ROBO2: variants seen among roughly 807,000 people sequenced by gnomAD.
The protein encoded by ROBO2 is roundabout homolog 2.
Under a neutral mutation model 160.8 loss-of-function variants are expected in ROBO2, and 53 were observed. That is an observed-to-expected ratio of 0.33 (90% CI 0.26 to 0.41). ROBO2 has a LOEUF of 0.41. Among genes scored for constraint, ROBO2 ranks in the 10% least tolerant of loss-of-function variants. The probability of loss-of-function intolerance (pLI) is 1.00; values close to 1 mark genes in which losing one functional copy is unlikely to be tolerated. For missense variants in ROBO2, 1,577 were observed against 1,722.4 expected, an observed-to-expected ratio of 0.92 and a Z score of 1.49; for synonymous variants, 664 against 611.7, an observed-to-expected ratio of 1.09 and a Z score of -1.26.
chr3:76,186,020 A>G (rs1014894332), intron 2 of ROBO2, among the ~76,000 whole-genome samples: 3 of 151,364 alleles, frequency 2.0e-5, no homozygotes, highest in Non-Finnish European at 4.4e-5. Context: ...TGCAGCATCA[A>G]GCTCCTGCAA....
At chr3:77,040,506 C>T in exon 1 of ROBO2, 1 of 1,327,856 alleles carries the variant, frequency 7.5e-7, no homozygotes, top group Non-Finnish European at 9.7e-7. Flanking sequence ...TCGAATAATC[C>T]CTCTGGCTGG....
intron 1 of ROBO2, among the ~76,000 whole-genome samples, chr3:75,925,316 G>A (rs1947247988): frequency 6.6e-6 from 1 of 152,024 alleles, no homozygotes; most frequent in Non-Finnish European, 1.5e-5. Flanking sequence ...TCTGAGCCCG[G>A]GAGGTGGAGG....
exon 26 of ROBO2, chr3:77,649,051 G>T (rs981263158): frequency 1.3e-5 from 2 of 152,084 alleles, no homozygotes; most frequent in Admixed American, 6.6e-5. Context: ...AGGTGGAGTC[G>T]CCCTACCCCT....
intron 2 of ROBO2, among the ~76,000 whole-genome samples, chr3:76,675,428 G>T (rs264535): frequency 0.12 from 16,145 of 132,112 alleles, 1,116 homozygotes; most frequent in African/African-American, 0.21. Flanking sequence ...TCTCCCCAGG[G>T]GGGAAAAAGA....
At chr3:76,405,425 TG>T (rs1230259402) in intron 2 of ROBO2, among the ~76,000 whole-genome samples, 2 of 151,628 alleles carry the variant, frequency 1.3e-5, no homozygotes, top group Non-Finnish European at 3.0e-5. Flanking sequence ...GAGGCTGAAA[TG>T]TAGTTTAGTT....
chr3:76,569,421 C>T (rs952549761), intron 2 of ROBO2, among the ~76,000 whole-genome samples: 1 of 152,064 alleles, frequency 6.6e-6, no homozygotes, highest in African/African-American at 2.4e-5. Context: ...CAAGGCTTGT[C>T]GCTGACTTAG....
chr3:77,270,022 T>A (rs1040415508), intron 2 of ROBO2, among the ~76,000 whole-genome samples: 4 of 152,216 alleles, frequency 2.6e-5, no homozygotes, highest in Non-Finnish European at 5.9e-5. Context: ...ATGTGTCAAC[T>A]AAAGTTGGTA....
intron 2 of ROBO2, among the ~76,000 whole-genome samples, chr3:76,781,146 ATTC>A (rs1436890500): frequency 5.4e-4 from 82 of 150,892 alleles, no homozygotes; most frequent in Admixed American, 2.3e-3. Flanking sequence ...GGTTAAATGA[ATTC>A]ATAAGTATTT....
At chr3:76,279,963 T>C (rs1405562425) in intron 2 of ROBO2, among the ~76,000 whole-genome samples, 1 of 151,976 alleles carries the variant, frequency 6.6e-6, no homozygotes, top group African/African-American at 2.4e-5. Context: ...TCATTCTTGC[T>C]ACTGCTTTCG....
intron 2 of ROBO2, among the ~76,000 whole-genome samples, chr3:76,847,674 G>T (rs530041770): frequency 6.6e-6 from 1 of 152,182 alleles, no homozygotes; most frequent in South Asian, 2.1e-4. Flanking sequence ...ACTCGGCATT[G>T]CTGAAAGGTG....
chr3:76,152,885 A>G (rs1238370672), intron 2 of ROBO2, among the ~76,000 whole-genome samples: 2 of 152,134 alleles, frequency 1.3e-5, no homozygotes, highest in Non-Finnish European at 2.9e-5. Context: ...AGACTCCAAA[A>G]TCGATGTCAA....
chr3:76,471,779 G>C (rs1255109824), intron 2 of ROBO2, among the ~76,000 whole-genome samples: 3 of 152,062 alleles, frequency 2.0e-5, no homozygotes, highest in Non-Finnish European at 4.4e-5. Flanking sequence ...GGCTGGGAAG[G>C]CCTCAGGAAA....
intron 2 of ROBO2, among the ~76,000 whole-genome samples, chr3:77,294,796 A>C (rs1335605967): frequency 2.0e-5 from 3 of 150,950 alleles, no homozygotes. Context: ...TAAACGGGTA[A>C]GCTGAGGCTA....
At chr3:77,519,807 T>C (rs2090404494) in intron 5 of ROBO2, among the ~76,000 whole-genome samples, 1 of 151,420 alleles carries the variant, frequency 6.6e-6, no homozygotes, top group Non-Finnish European at 1.5e-5. Context: ...GTAATTGGAT[T>C]GCTGGGTCAA....
chr3:76,850,635 A>G (rs980506076), intron 2 of ROBO2, among the ~76,000 whole-genome samples: 1 of 152,128 alleles, frequency 6.6e-6, no homozygotes, highest in Admixed American at 6.5e-5. Context: ...TCTTTCCTGT[A>G]TAATTCTCCT....
chr3:77,565,173 T>C, intron 12 of ROBO2, 53 bp downstream of exon 13: 1 of 1,593,446 alleles, frequency 6.3e-7, no homozygotes, highest in Non-Finnish European at 8.6e-7. Flanking sequence ...CATCAGATAT[T>C]TAAGAACGAG....
At chr3:77,282,706 TA>T (rs1388836376) in intron 2 of ROBO2, among the ~76,000 whole-genome samples, 6 of 152,122 alleles carry the variant, frequency 3.9e-5, no homozygotes, top group African/African-American at 4.8e-5. Flanking sequence ...AGTCATAAAT[TA>T]AACAAACTCT....
At chr3:76,390,966 A>G (rs2077121378) in intron 2 of ROBO2, among the ~76,000 whole-genome samples, 2 of 152,198 alleles carry the variant, frequency 1.3e-5, no homozygotes, top group Admixed American at 1.3e-4. Context: ...TTATCTTGGT[A>G]ATGTGGACCA....
intron 2 of ROBO2, among the ~76,000 whole-genome samples, chr3:77,294,570 C>G (rs1167239624): frequency 7.5e-6 from 1 of 133,572 alleles, no homozygotes; most frequent in Admixed American, 7.5e-5. Flanking sequence ...GTAAAATTGA[C>G]GGTTAAACAG....
Sources: gnomAD v4.1 joint callset for allele counts (sites outside exome capture counted in the v4.1 genomes callset) on GRCh38, gnomAD v4.1.1 for gene constraint, MANE v1.5 for transcripts, NCBI Gene and HGNC (gene_info 2026-07-23, HGNC 2026-07-21) for gene names.